YIF1B: variants seen among roughly 807,000 people sequenced by gnomAD.
YIF1B encodes the protein Yip1 interacting factor homolog B, membrane trafficking protein.
YIF1B carries 24 observed loss-of-function variants against 34.6 expected under a neutral mutation model. That is an observed-to-expected ratio of 0.69 (90% CI 0.50 to 0.98). The LOEUF (loss-of-function observed/expected upper bound fraction) is 0.98. Ranked by LOEUF, YIF1B falls within the 50% of genes least tolerant of loss-of-function variation. YIF1B has a pLI of 0.00. For missense variants in YIF1B, 368 were observed against 429.4 expected, an observed-to-expected ratio of 0.86 and a Z score of 1.26; for synonymous variants, 186 against 184.8, an observed-to-expected ratio of 1.01 and a Z score of -0.05.
chr19:38,311,154 G>C (rs1399010484), intron 1 of YIF1B, among the ~76,000 whole-genome samples: 1 of 151,940 alleles, frequency 6.6e-6, no homozygotes, highest in Non-Finnish European at 1.5e-5. Context: ...AGGTGTGGTG[G>C]TTCACGCCTA....
intron 1 of YIF1B, chr19:38,310,060 TCATCCATCCACCCATC>T (rs1232811540): frequency 3.8e-5 from 7 of 182,116 alleles, no homozygotes; most frequent in African/African-American, 1.8e-4. Context: ...GTCCATCCAT[TCATCCATCCACCCATC>T]CATCCATCCA....
chr19:38,306,874 G>A (rs1345889039), intron 7 of YIF1B: 1 of 422,140 alleles, frequency 2.4e-6, no homozygotes, highest in African/African-American at 2.1e-5. Flanking sequence ...GTAGAGATGG[G>A]GTTTCACCGT....
intron 1 of YIF1B, among the ~76,000 whole-genome samples, chr19:38,314,048 G>T (rs1173669325): frequency 6.6e-6 from 1 of 151,902 alleles, no homozygotes; most frequent in Non-Finnish European, 1.5e-5. Flanking sequence ...TTTTCTTGAG[G>T]CGTTGTTTCG....
intron 1 of YIF1B, among the ~76,000 whole-genome samples, chr19:38,313,155 T>C (rs769575646): frequency 6.6e-6 from 1 of 152,202 alleles, no homozygotes; most frequent in South Asian, 2.1e-4. Flanking sequence ...TTTCACCATT[T>C]TGGGCAGGCT....
At chr19:38,305,584 T>C in intron 7 of YIF1B, 77 bp from the exon 8 acceptor site, 2 of 1,482,692 alleles carry the variant, frequency 1.3e-6, no homozygotes, top group Admixed American at 2.3e-5. Flanking sequence ...CCGGACATAC[T>C]TCCAGCCTCT....
intron 1 of YIF1B, among the ~76,000 whole-genome samples, chr19:38,310,639 C>A (rs752836035): frequency 6.6e-6 from 1 of 152,140 alleles, no homozygotes; most frequent in Non-Finnish European, 1.5e-5. Flanking sequence ...AAGCCTTTTA[C>A]ACAAGGCCGC....
Position 38,307,766 on chromosome 19 carries a change from G to T in YIF1B, c.540-14C>A. 6.2e-7 allele frequency: 1 copy of T among 1,603,100 alleles called. No individual in the cohort carries two copies. Among genetic ancestry groups the T allele is most frequent in the Non-Finnish European group, 8.5e-7 (1 of 1,172,776 alleles). On this transcript the variant is annotated splice_polypyrimidine_tract_variant and intron_variant, in intron 5 of 7. Transcript: ENST00000339413. ...TCTGGGGAGAACCTGCAGGCACAAA[G>T]CCCCGCCACTTGGTTGGCTGGTTCA...
intron 1 of YIF1B, among the ~76,000 whole-genome samples, chr19:38,312,915 T>C (rs1262430398): frequency 6.6e-6 from 1 of 151,804 alleles, no homozygotes; most frequent in Admixed American, 6.6e-5. Flanking sequence ...GGCCCCAGCC[T>C]CTCTGCAAGC....
intron 1 of YIF1B, among the ~76,000 whole-genome samples, chr19:38,313,044 C>T (rs913096260): frequency 5.9e-5 from 9 of 152,012 alleles, no homozygotes; most frequent in South Asian, 2.1e-4. Flanking sequence ...CTCCACCTCC[C>T]GGGTTCAAGC....
At position 38,305,538 on chromosome 19, in the gene YIF1B, G is replaced by A. The variant is rs116743751; in HGVS notation, c.790-31C>T. 1,422 of 1,583,330 alleles carry A rather than the reference G, an allele frequency of 9.0e-4. 13 individuals carry two copies. The African/African-American group carries it at 0.017, about 19-fold the overall frequency. On this transcript the variant is annotated intron_variant, in intron 7 of 7. Coordinates refer to ENST00000339413, the MANE Select transcript of YIF1B (RefSeq NM_001039672.3). ...TGGGAAAGAGAGAGAGGAACCAAGGGATTTACCCTTGAGCCCTCTGGGCCA... is the reference window on the plus strand; with the variant it reads ...TGGGAAAGAGAGAGAGGAACCAAGGAATTTACCCTTGAGCCCTCTGGGCCA...
Position 38,304,981 on chromosome 19 carries a change from C to G in YIF1B, c.*371G>C. 2 of 1,582,528 alleles carry G rather than the reference C, an allele frequency of 1.3e-6. No individual in the cohort carries two copies. Among genetic ancestry groups the G allele is most frequent in the Non-Finnish European group, 1.7e-6 (2 of 1,164,998 alleles). On this transcript the variant is annotated 3_prime_UTR_variant, in exon 8 of 8. Transcript: ENST00000339413. Reference sequence around the variant, plus strand: ...CCCCACTGAAGGGCCCTGGACAGGGCTCATTAAACCTTCCTCTCTGCCTTC... The same window carrying G: ...CCCCACTGAAGGGCCCTGGACAGGGGTCATTAAACCTTCCTCTCTGCCTTC...
intron 1 of YIF1B, among the ~76,000 whole-genome samples, chr19:38,314,392 A>T (rs543104833): frequency 1.5e-4 from 23 of 151,914 alleles, no homozygotes; most frequent in African/African-American, 5.5e-4. Context: ...ATGGGGTCTC[A>T]CCATGTTGGC....
At chr19:38,315,377 T>C in intron 1 of YIF1B, 1 of 1,144,650 alleles carries the variant, frequency 8.7e-7, no homozygotes, top group Middle Eastern at 3.7e-4. Flanking sequence ...ACATGGGAGT[T>C]GAGACAAGTT....
At chr19:38,309,861 C>T (rs1969238977) in intron 1 of YIF1B, 2 of 1,410,114 alleles carry the variant, frequency 1.4e-6, no homozygotes, top group East Asian at 2.6e-5. Flanking sequence ...CTGATACATT[C>T]ATCTATGCAT....
Position 38,309,044 on chromosome 19 carries a change from T to A in YIF1B, c.416A>T (p.Gln139Leu). The part of the protein sequence containing the change: ...FPYLHQDWEV[Q>L]YQQDTPVAPR... Reference sequence around the variant, plus strand: ...GGCCACCGGGGTGTCCTGTTGGTACTGCACTTCCCAGTCCTGCGGGGATGG... The same window carrying A: ...GGCCACCGGGGTGTCCTGTTGGTACAGCACTTCCCAGTCCTGCGGGGATGG... The change falls in exon 4 of 8, where the codon CAG becomes CTG. Residue 139 changes from glutamine (Q) to leucine (L), a missense_variant. By Grantham distance (113) the Gln-to-Leu change is moderately radical. Coordinates refer to ENST00000339413, the MANE Select transcript of YIF1B (RefSeq NM_001039672.3). 6.4e-7 allele frequency: 1 copy of A among 1,556,622 alleles called. No individual in the cohort carries two copies.
Position 38,304,013 on chromosome 19 carries a change from C to G in YIF1B, c.*1339G>C. On this transcript the variant is annotated 3_prime_UTR_variant, in exon 8 of 8. Coordinates refer to ENST00000339413, the MANE Select transcript of YIF1B (RefSeq NM_001039672.3). ...AGCTCCCCGAATGCCATCCACAGAGCCCCCCTCAGTCGGCCTCCCCTGAGG... is the reference window on the plus strand; with the variant it reads ...AGCTCCCCGAATGCCATCCACAGAGGCCCCCTCAGTCGGCCTCCCCTGAGG... 1.7e-6 allele frequency: 1 copy of G among 582,046 alleles called. No individual in the cohort carries two copies. Among genetic ancestry groups the G allele is most frequent in the Non-Finnish European group, 3.0e-6 (1 of 328,574 alleles). The allele number at this position is 582,046 out of a possible 1,614,324, so 36.1% of individuals were successfully genotyped here. A position where few individuals can be genotyped will look rare whatever the true frequency, so the allele number is the denominator to read the frequency against.
chr19:38,304,155 C>T lies in YIF1B; in HGVS notation c.*1197G>A, dbSNP rs1383210566. ...GGACCAGGACAGAGGTTGGGTGGGG[C>T]GTCTCAGCATTCCTCCAACGGGCAG... On this transcript the variant is annotated 3_prime_UTR_variant, in exon 8 of 8. Coordinates refer to ENST00000339413, the MANE Select transcript of YIF1B (RefSeq NM_001039672.3). 4.4e-6 allele frequency: 6 copies of T among 1,356,074 alleles called. No homozygotes were observed. Among genetic ancestry groups the T allele is most frequent in the Non-Finnish European group, 6.2e-6 (6 of 969,796 alleles). 84.0% of individuals were successfully genotyped at this position (1,356,074 alleles called of 1,614,324 possible). A position where few individuals can be genotyped will look rare whatever the true frequency, so the allele number is the denominator to read the frequency against.
At position 38,304,392 on chromosome 19, in the gene YIF1B, C is replaced by A; in HGVS notation, c.*960G>T. The A allele has an allele frequency of 6.3e-7, 1 of 1,578,302 alleles. No homozygotes were observed. The highest frequency in any genetic ancestry group is 1.2e-5 in the South Asian group (1 of 86,726). On this transcript the variant is annotated 3_prime_UTR_variant, in exon 8 of 8. Transcript: ENST00000339413. ...CTCCACAGCCCTGGAGCCCACCTCC[C>A]AGAAGCCCGGTGTGGGGGCGGGCCA...
At chr19:38,315,416 C>T in intron 1 of YIF1B, 4 of 1,271,552 alleles carry the variant, frequency 3.1e-6, no homozygotes, top group Non-Finnish European at 4.0e-6. Flanking sequence ...AAACACACAG[C>T]ACACTCACGG....
Sources: gnomAD v4.1 joint callset for allele counts (sites outside exome capture counted in the v4.1 genomes callset) on GRCh38, gnomAD v4.1.1 for gene constraint, MANE v1.5 for transcripts, NCBI Gene and HGNC (gene_info 2026-07-23, HGNC 2026-07-21) for gene names.